Variants in RAP1B observed in about 807,000 individuals in gnomAD.
RAP1B encodes the protein RAP1B, member of RAS oncogene family.
A neutral mutation model predicts 27.5 loss-of-function variants in RAP1B; 1 was observed. That is an observed-to-expected ratio of 0.04 (90% CI 0.01 to 0.17). RAP1B has a LOEUF of 0.17. Among genes scored for constraint, RAP1B ranks in the 10% least tolerant of loss-of-function variants. The pLI is 1.00. For synonymous variants in RAP1B, 75 were observed against 73.1 expected (o/e 1.03, Z -0.13); for missense variants, 84 against 214.8 (o/e 0.39, Z 3.81).
chr12:68,662,141 G>T lies in RAP1B; in HGVS notation c.*2892G>T, dbSNP rs1017320728. On this transcript the variant is annotated 3_prime_UTR_variant, in exon 8 of 8. Transcript: ENST00000250559. ...TTTTTTCAATGCTGATAGGAATAAG[G>T]CTGTGGTTTGGCAAAAAGCACCATT... 6.7e-6 allele frequency: 1 copy of T among 150,240 alleles called. No individual in the cohort carries two copies. The highest frequency in any genetic ancestry group is 2.4e-5 in the African/African-American group (1 of 40,960). The allele number at this position is 150,240 out of a possible 1,614,324, so 9.3% of individuals were successfully genotyped here.
intron 4 of RAP1B, 75 bp from the exon 5 acceptor site, chr12:68,654,031 CTATAAT>C: frequency 4.3e-6 from 5 of 1,151,714 alleles, no homozygotes; most frequent in Non-Finnish European, 6.3e-6. Flanking sequence ...CTTCATTGAG[CTATAAT>C]TATAGACTGT....
chr12:68,647,298 G>T (rs562299757), intron 1 of RAP1B, among the ~76,000 whole-genome samples: 1 of 150,896 alleles, frequency 6.6e-6, no homozygotes, highest in Admixed American at 6.6e-5. Context: ...ACTTTGGGAG[G>T]CCGAGGCAGG....
chr12:68,619,101 AAAAAC>A (rs1324444721), intron 1 of RAP1B, among the ~76,000 whole-genome samples: 1 of 152,212 alleles, frequency 6.6e-6, no homozygotes, highest in African/African-American at 2.4e-5. Flanking sequence ...CCCTGTCTCG[AAAAAC>A]AAAACAAAAA....
At chr12:68,655,986 C>T (rs748352298) in intron 5 of RAP1B, among the ~76,000 whole-genome samples, 165 of 152,152 alleles carry the variant, frequency 1.1e-3, no homozygotes, top group Non-Finnish European at 2.0e-3. Flanking sequence ...GTAAAAGTGT[C>T]TTATTTATGT....
intron 1 of RAP1B, among the ~76,000 whole-genome samples, chr12:68,628,452 T>C (rs1215513089): frequency 1.3e-5 from 2 of 152,256 alleles, no homozygotes; most frequent in African/African-American, 4.8e-5. Flanking sequence ...TTGCTTGGTA[T>C]TTTTTAATGA....
intron 1 of RAP1B, among the ~76,000 whole-genome samples, chr12:68,641,792 TAA>T (rs35769842): frequency 4.8e-5 from 7 of 146,206 alleles, no homozygotes; most frequent in African/African-American, 1.2e-4. Flanking sequence ...GAATCAAAGG[TAA>T]AAAAAAAAAA....
At chr12:68,618,911 C>T (rs1022388518) in intron 1 of RAP1B, among the ~76,000 whole-genome samples, 1 of 151,998 alleles carries the variant, frequency 6.6e-6, no homozygotes, top group Non-Finnish European at 1.5e-5. Context: ...AGGCTAAGTC[C>T]AGCTTGGGCA....
In RAP1B at chr12:68,661,823, G is replaced by A. The variant is rs1359362507; in HGVS notation, c.*2574G>A. The A allele has an allele frequency of 6.6e-6, 1 of 151,882 alleles. No homozygotes were observed. Among genetic ancestry groups the A allele is most frequent in the Non-Finnish European group, 1.5e-5 (1 of 67,986 alleles). 9.4% of individuals were successfully genotyped at this position (151,882 alleles called of 1,614,324 possible). On this transcript the variant is annotated 3_prime_UTR_variant, in exon 8 of 8. Coordinates refer to ENST00000250559, the MANE Select transcript of RAP1B (RefSeq NM_001010942.3). Reference sequence around the variant, plus strand: ...TGAGTGTTAGGGTTACAAGATGGATGGTTTACTATATAGTGAATAAGAATA... The same window carrying A: ...TGAGTGTTAGGGTTACAAGATGGATAGTTTACTATATAGTGAATAAGAATA...
At chr12:68,620,576 T>A (rs1011010823) in intron 1 of RAP1B, among the ~76,000 whole-genome samples, 1 of 151,906 alleles carries the variant, frequency 6.6e-6, no homozygotes, top group Non-Finnish European at 1.5e-5. Context: ...TATAAACTCA[T>A]GGGATAAGTC....
At chr12:68,628,729 G>C (rs541850215) in intron 1 of RAP1B, among the ~76,000 whole-genome samples, 1 of 152,158 alleles carries the variant, frequency 6.6e-6, no homozygotes, top group Admixed American at 6.5e-5. Flanking sequence ...AGTTTCATAA[G>C]CAAAAATCCA....
chr12:68,630,522 TA>T (rs1592435933), intron 1 of RAP1B, among the ~76,000 whole-genome samples: 1 of 152,186 alleles, frequency 6.6e-6, no homozygotes, highest in East Asian at 1.9e-4. Flanking sequence ...ATTCAACAAA[TA>T]ATTAGGTGTC....
chr12:68,643,787 C>T (rs1232700104), intron 1 of RAP1B, among the ~76,000 whole-genome samples: 2 of 152,042 alleles, frequency 1.3e-5, no homozygotes, highest in Non-Finnish European at 2.9e-5. Context: ...AGTTATAGAA[C>T]AACTTCACAA....
At chr12:68,634,644 C>CTAG (rs1565664198) in intron 1 of RAP1B, among the ~76,000 whole-genome samples, 1 of 151,698 alleles carries the variant, frequency 6.6e-6, no homozygotes, top group Non-Finnish European at 1.5e-5. Context: ...AATCACTTAA[C>CTAG]TATTTTGCTT....
intron 1 of RAP1B, among the ~76,000 whole-genome samples, chr12:68,618,304 G>A (rs1871164890): frequency 1.3e-5 from 2 of 151,768 alleles, no homozygotes; most frequent in Non-Finnish European, 2.9e-5. Context: ...TGGCCAGGCT[G>A]GTCTCGAACT....
intron 6 of RAP1B, chr12:68,656,696 G>C (rs1286089419): frequency 1.0e-4 from 59 of 564,966 alleles, no homozygotes; most frequent in Non-Finnish European, 7.7e-5. Flanking sequence ...TACATGGATA[G>C]GGAAGACAGA....
At chr12:68,615,378 AT>A (rs1870909793) in intron 1 of RAP1B, among the ~76,000 whole-genome samples, 1 of 152,258 alleles carries the variant, frequency 6.6e-6, no homozygotes, top group South Asian at 2.1e-4. Flanking sequence ...TTTCCATCTG[AT>A]TTTTATTGTA....
At chr12:68,655,769 C>T (rs1413773823) in intron 5 of RAP1B, among the ~76,000 whole-genome samples, 2 of 152,174 alleles carry the variant, frequency 1.3e-5, no homozygotes, top group Non-Finnish European at 2.9e-5. Context: ...CTCCTGACCT[C>T]AGGTGATCCA....
rs1169242506 is a variant in RAP1B, at chr12:68,669,720, G to C, written c.*10471G>C. The C allele has an allele frequency of 6.6e-6, 1 of 152,098 alleles. No individual in the cohort carries two copies. The highest frequency in any genetic ancestry group is 1.5e-5 in the Non-Finnish European group (1 of 68,110). 9.4% of individuals were successfully genotyped at this position (152,098 alleles called of 1,614,324 possible). A position where few individuals can be genotyped will look rare whatever the true frequency, so the allele number is the denominator to read the frequency against. On this transcript the variant is annotated 3_prime_UTR_variant, in exon 8 of 8. Transcript: ENST00000250559. Reference sequence around the variant, plus strand: ...GGAGGCTGAGGCAGGAGAATCGCTTGAACCCAGGAGGCAGAGGGTGCAGTA... The same window carrying C: ...GGAGGCTGAGGCAGGAGAATCGCTTCAACCCAGGAGGCAGAGGGTGCAGTA...
At chr12:68,642,476 T>G in intron 1 of RAP1B, 1 of 844,914 alleles carries the variant, frequency 1.2e-6, no homozygotes, top group Admixed American at 2.1e-5. Flanking sequence ...GTCCAGAATG[T>G]GTAATACAAG....
Sources: gnomAD v4.1 joint callset for allele counts (sites outside exome capture counted in the v4.1 genomes callset) on GRCh38, gnomAD v4.1.1 for gene constraint, MANE v1.5 for transcripts, NCBI Gene and HGNC (gene_info 2026-07-23, HGNC 2026-07-21) for gene names.